SRFBP1: variants seen among roughly 807,000 people sequenced by gnomAD.
The protein encoded by SRFBP1 is serum response factor binding protein 1.
In SRFBP1, 47 loss-of-function variants were observed where a neutral mutation model predicts 45.5. The ratio of observed to expected loss-of-function variants is 1.03; its 90% confidence interval spans 0.82 to 1.32. The LOEUF (loss-of-function observed/expected upper bound fraction) is 1.32. SRFBP1 is among the 40% of genes most tolerant of loss of function. SRFBP1 has a pLI of 0.00. For synonymous variants in SRFBP1, 203 were observed against 166.3 expected (o/e 1.22, Z -1.70); for missense variants, 621 against 484.6 (o/e 1.28, Z -2.64).
chr5:122,062,906 A>G (rs1219510172), intron 2 of SRFBP1, among the ~76,000 whole-genome samples: 1 of 151,906 alleles, frequency 6.6e-6, no homozygotes, highest in African/African-American at 2.4e-5. Flanking sequence ...ATAGTCAGAT[A>G]TATTTCTTGT....
At chr5:122,044,953 T>C (rs1161279477) in intron 2 of SRFBP1, among the ~76,000 whole-genome samples, 2 of 152,166 alleles carry the variant, frequency 1.3e-5, no homozygotes, top group Admixed American at 6.5e-5. Flanking sequence ...TTCAGAATGG[T>C]ATTTTCTGGG....
chr5:122,054,988 G>A (rs556901314), intron 2 of SRFBP1, among the ~76,000 whole-genome samples: 6 of 152,208 alleles, frequency 3.9e-5, no homozygotes, highest in Admixed American at 6.5e-5. Context: ...AATAAGTGAT[G>A]AAGCTAGGAT....
chr5:121,976,185 T>A (rs1752299016), intron 3 of SRFBP1, among the ~76,000 whole-genome samples: 1 of 152,068 alleles, frequency 6.6e-6, no homozygotes, highest in African/African-American at 2.4e-5. Context: ...TTCTTCCTTT[T>A]AAACGGATAG....
chr5:122,017,906 C>T (rs1263158073), intron 4 of SRFBP1, among the ~76,000 whole-genome samples: 1 of 152,144 alleles, frequency 6.6e-6, no homozygotes, highest in Non-Finnish European at 1.5e-5. Flanking sequence ...GTATTGGGTG[C>T]CTACTATTAT....
At chr5:122,033,235 C>T (rs1753619551), downstream of SRFBP1, among the ~76,000 whole-genome samples, 1 of 151,362 alleles carries the variant, frequency 6.6e-6, no homozygotes, top group Admixed American at 6.6e-5. Context: ...TAGCCCTTTA[C>T]CTGTTTTATG....
chr5:121,982,318 C>T lies in SRFBP1; in HGVS notation c.198+6931C>T, dbSNP rs540218754. 5.3e-5 allele frequency among the ~76,000 whole-genome samples: 8 copies of T among 152,030 alleles called. No individual in the cohort carries two copies. In the South Asian group the frequency reaches 1.7e-3, roughly 32 times the overall value. On this transcript the variant is annotated intron_variant, in intron 3 of 7. Coordinates refer to ENST00000339397, the MANE Select transcript of SRFBP1 (RefSeq NM_152546.3). ...TTTTAAAAGATCAGTATATAATGCT[C>T]TCCTCACACTCATGAAACAGCATTT...
intron 4 of SRFBP1, among the ~76,000 whole-genome samples, chr5:122,000,125 C>G (rs927243011): frequency 2.6e-5 from 4 of 151,918 alleles, no homozygotes; most frequent in Admixed American, 6.6e-5. Context: ...CTCTACAGTT[C>G]ATAATATACA....
rs182880841 is a variant in SRFBP1, at chr5:122,026,075, G to A, written c.1106-867G>A. ...ACTGCTCTCCATCCTGGGCAACAGA[G>A]CAAGACTCCGTCTTAAAAAAAAGAA... On this transcript the variant is annotated intron_variant, in intron 7 of 7. Transcript: ENST00000339397. Among the ~76,000 whole-genome samples the A allele has an allele frequency of 5.0e-3, 763 of 152,316 alleles. 5 individuals are homozygous for A. Among genetic ancestry groups the A allele is most frequent in the Admixed American group, 0.011 (163 of 15,292 alleles).
rs1036527478 is a variant in SRFBP1, at chr5:122,022,474, A to T, written c.1105+67A>T. On this transcript the variant is annotated intron_variant, in intron 7 of 7. Coordinates refer to ENST00000339397, the MANE Select transcript of SRFBP1 (RefSeq NM_152546.3). ...TATGTTTTACCAGAGTAAAAGAATG[A>T]GAAATTGTTGTTGCTTAATATAGCC... 4 of 1,422,140 alleles carry T rather than the reference A, an allele frequency of 2.8e-6. No homozygotes were observed. In the African/African-American group the frequency reaches 4.3e-5, roughly 15 times the overall value. The allele number at this position is 1,422,140 out of a possible 1,614,324, so 88.1% of individuals were successfully genotyped here. A position where few individuals can be genotyped will look rare whatever the true frequency, so the allele number is the denominator to read the frequency against.
chr5:121,994,548 G>A (rs769127315), intron 3 of SRFBP1, 51 bp from the exon 4 acceptor site: 23 of 1,206,744 alleles, frequency 1.9e-5, no homozygotes, highest in Middle Eastern at 1.9e-4. Flanking sequence ...CTTAATAATA[G>A]TGATAAAAAT....
At chr5:122,025,177 G>C (rs1226909748) in intron 7 of SRFBP1, among the ~76,000 whole-genome samples, 1 of 150,868 alleles carries the variant, frequency 6.6e-6, no homozygotes, top group Non-Finnish European at 1.5e-5. Context: ...TGTTCTCATT[G>C]TTCAATTCCC....
chr5:121,975,283 C>A (rs1317575990), intron 2 of SRFBP1, 32 bp from the exon 3 acceptor site: 3 of 1,605,230 alleles, frequency 1.9e-6, no homozygotes, highest in African/African-American at 2.7e-5. Context: ...TAATGCTTTG[C>A]CTGGCTACAT....
chr5:122,004,207 A>T (rs1752935441), intron 4 of SRFBP1, among the ~76,000 whole-genome samples: 1 of 152,188 alleles, frequency 6.6e-6, no homozygotes, highest in Admixed American at 6.5e-5. Context: ...GACTCTTACC[A>T]GATGTATGGT....
chr5:122,035,744 A>T (rs1580538451), intron 2 of SRFBP1, among the ~76,000 whole-genome samples: 1 of 152,086 alleles, frequency 6.6e-6, no homozygotes, highest in South Asian at 2.1e-4. Flanking sequence ...TCAATTTGCC[A>T]TCTGTGTTTT....
chr5:122,076,743 C>T (rs769238908), downstream of SRFBP1: 18 of 630,954 alleles, frequency 2.9e-5, no homozygotes, highest in Non-Finnish European at 5.1e-5. Context: ...CCGTCCAGGT[C>T]AGCATGCCCA....
intron 1 of SRFBP1, among the ~76,000 whole-genome samples, chr5:121,965,814 A>T (rs1326570649): frequency 1.3e-5 from 2 of 152,116 alleles, no homozygotes; most frequent in South Asian, 2.1e-4. Context: ...GATTCTTCCT[A>T]TCTATGAGCA....
chr5:121,972,928 C>T (rs75839099), intron 1 of SRFBP1, among the ~76,000 whole-genome samples: 5,645 of 151,802 alleles, frequency 0.037, 300 homozygotes, highest in African/African-American at 0.11. Flanking sequence ...AGTGGACATG[C>T]AAGTTACACA....
chr5:122,038,658 T>C (rs1484486704), intron 2 of SRFBP1, among the ~76,000 whole-genome samples: 3 of 152,210 alleles, frequency 2.0e-5, no homozygotes, highest in African/African-American at 7.2e-5. Context: ...TGATAGCCTT[T>C]AAGGCATAAG....
intron 2 of SRFBP1, among the ~76,000 whole-genome samples, chr5:122,036,788 A>G (rs952198114): frequency 1.6e-4 from 25 of 151,900 alleles, no homozygotes; most frequent in Non-Finnish European, 3.2e-4. Flanking sequence ...GTTTTGTCCT[A>G]GGTTTTGCCC....
Sources: allele counts gnomAD v4.1 joint callset (sites outside exome capture counted in the v4.1 genomes callset), GRCh38; gene constraint gnomAD v4.1.1; transcripts MANE v1.5; gene names NCBI Gene and HGNC (gene_info 2026-07-23, HGNC 2026-07-21).